Variants in PTPDC1 observed in about 807,000 individuals in gnomAD.
PTPDC1 encodes the protein protein tyrosine phosphatase domain containing 1, also known as protein tyrosine phosphatase domain-containing protein 1.
In PTPDC1, 53 loss-of-function variants were observed where a neutral mutation model predicts 75.3. The observed-to-expected ratio is 0.70, with a 90% CI of 0.56 to 0.88. PTPDC1 has a LOEUF of 0.88. Ranked by LOEUF, PTPDC1 falls within the 40% of genes least tolerant of loss-of-function variation. The probability of loss-of-function intolerance (pLI) is 0.00; values close to 1 mark genes in which losing one functional copy is unlikely to be tolerated. For missense variants in PTPDC1, 925 were observed against 998.6 expected (o/e 0.93, Z 0.99); for synonymous variants, 349 against 366.2 (o/e 0.95, Z 0.54).
rs371910219 is a variant in PTPDC1 at position 94,101,557 on chromosome 9, C to A, written c.2014-9C>A. 4 of 1,607,930 alleles carry A rather than the reference C, an allele frequency of 2.5e-6. No homozygotes were observed. The highest frequency in any genetic ancestry group is 2.2e-5 in the South Asian group (2 of 90,650). The stretch of plus-strand genomic sequence containing the variant: ...CTCTGTCTGTCTGTCTCTTTCTCTT[C>A]CTTTTTAGAAAGAGCTTAATTCCCG... On this transcript the variant is annotated splice_polypyrimidine_tract_variant and intron_variant, in intron 6 of 8. Transcript: ENST00000620992.
intron 2 of PTPDC1, among the ~76,000 whole-genome samples, chr9:94,071,262 A>C (rs1305887193): frequency 1.3e-5 from 2 of 152,172 alleles, no homozygotes; most frequent in Non-Finnish European, 2.9e-5. Context: ...TTAATGGCTA[A>C]TGATGATAAC....
Position 94,101,663 on chromosome 9 carries a change from T to C in PTPDC1, c.2111T>C (p.Leu704Pro). The change falls in exon 7 of 9, where the codon CTG becomes CCG. Residue 704 changes from leucine to proline, a missense_variant. Physicochemically the swap from Leu to Pro is moderately conservative, Grantham distance 98. Coordinates refer to ENST00000620992, the MANE Select transcript of PTPDC1 (RefSeq NM_001253829.2). ...TTGATGTGGTCTTGGGTGGAGCAACTGAAGGAGCCTGTAATCACCAAAGAG... is the reference window on the plus strand; with the variant it reads ...TTGATGTGGTCTTGGGTGGAGCAACCGAAGGAGCCTGTAATCACCAAAGAG... ...CSLMWSWVEQLKEPVITKEDV... is the reference protein window; with the variant it reads ...CSLMWSWVEQPKEPVITKEDV... The C allele has an allele frequency of 6.2e-7, 1 of 1,613,974 alleles. No individual in the cohort carries two copies. The highest frequency in any genetic ancestry group is 8.5e-7 in the Non-Finnish European group (1 of 1,179,898).
chr9:94,051,515 G>A (rs1181716145), intron 1 of PTPDC1, among the ~76,000 whole-genome samples: 1 of 152,170 alleles, frequency 6.6e-6, no homozygotes, highest in Non-Finnish European at 1.5e-5. Context: ...TACTTTCTGG[G>A]AGAGATTATA....
At position 94,097,594 on chromosome 9, in the gene PTPDC1, T is replaced by A; in HGVS notation, c.1028T>A (p.Ile343Asn). 6.2e-7 allele frequency: 1 copy of A among 1,613,994 alleles called. No individual in the cohort carries two copies. The highest frequency in any genetic ancestry group is 8.5e-7 in the Non-Finnish European group (1 of 1,180,028). ...ARLLKHVPKI[I>N]HLVCKLLLDL... ...CTTCTGAAACACGTGCCAAAAATTATCCACCTAGTTTGCAAATTGCTGCTG... is the reference window on the plus strand; with the variant it reads ...CTTCTGAAACACGTGCCAAAAATTAACCACCTAGTTTGCAAATTGCTGCTG... Residue 343 changes from isoleucine to asparagine, a missense_variant, in exon 6 of 9, where the codon ATC (isoleucine) becomes AAC (asparagine). Ile to Asn is a moderately radical substitution (Grantham distance 149). Coordinates refer to ENST00000620992, the MANE Select transcript of PTPDC1 (RefSeq NM_001253829.2).
intron 1 of PTPDC1, among the ~76,000 whole-genome samples, chr9:94,058,931 C>G (rs1458740555): frequency 2.0e-5 from 3 of 152,128 alleles, no homozygotes; most frequent in Admixed American, 6.5e-5. Context: ...GTAGAAGTTG[C>G]AGTGAGCCGA....
rs147254542 is a variant in PTPDC1, at chr9:94,066,041, C to T, written c.82+1220C>T. On this transcript the variant is annotated intron_variant, in intron 2 of 9. Coordinates refer to the PTPDC1 transcript ENST00000375360. Reference sequence around the variant, plus strand: ...CTCAATGGCAATTCTGTTGGCTTTGCGGGTGGGACAACTCTTTGTTGTGCT... The same window carrying T: ...CTCAATGGCAATTCTGTTGGCTTTGTGGGTGGGACAACTCTTTGTTGTGCT... Among the ~76,000 whole-genome samples, 4 of 152,248 alleles carry T rather than the reference C, an allele frequency of 2.6e-5. No individual in the cohort carries two copies. In the East Asian group the frequency reaches 7.7e-4, roughly 29 times the overall value.
At position 94,044,361 on chromosome 9, in the gene PTPDC1, G is replaced by A. The variant is rs79032721; in HGVS notation, c.-7+13234G>A. ...GCAGGATGTGCAGGTTTTTTACATA[G>A]GTAAATGTGTACCATGGTAGTTTGC... On this transcript the variant is annotated intron_variant, in intron 1 of 9. Coordinates refer to the PTPDC1 transcript ENST00000375360. Among the ~76,000 whole-genome samples, 134 of 152,092 alleles carry A rather than the reference G, an allele frequency of 8.8e-4. No individual in the cohort carries two copies. The East Asian group carries it at 0.021, about 24-fold the overall frequency.
chr9:94,075,028 C>G (rs987431259), intron 2 of PTPDC1, among the ~76,000 whole-genome samples: 1 of 152,156 alleles, frequency 6.6e-6, no homozygotes, highest in Non-Finnish European at 1.5e-5. Flanking sequence ...TTCAAACCAC[C>G]CTGTTAAGAC....
intron 2 of PTPDC1, among the ~76,000 whole-genome samples, chr9:94,070,579 A>C (rs1826479497): frequency 6.6e-6 from 1 of 152,188 alleles, no homozygotes; most frequent in African/African-American, 2.4e-5. Flanking sequence ...TAATAATATC[A>C]CAGCCAGGAT....
chr9:94,046,404 G>C (rs1486709590), intron 1 of PTPDC1, among the ~76,000 whole-genome samples: 1 of 152,110 alleles, frequency 6.6e-6, no homozygotes, highest in East Asian at 1.9e-4. Flanking sequence ...AGCTTGATGG[G>C]GATGGCATTG....
At chr9:94,079,156 A>G (rs537962382) in intron 2 of PTPDC1, among the ~76,000 whole-genome samples, 3 of 152,158 alleles carry the variant, frequency 2.0e-5, no homozygotes, top group East Asian at 1.9e-4. Context: ...TTGCCTGTCT[A>G]TTTGATCAGA....
chr9:94,101,507 C>T (rs1827840216), intron 6 of PTPDC1, 59 bp from the exon 7 acceptor site: 2 of 1,341,962 alleles, frequency 1.5e-6, no homozygotes, highest in Non-Finnish European at 2.1e-6. Context: ...AATGGTGCAC[C>T]TCCCTCTCCT....
intron 6 of PTPDC1, among the ~76,000 whole-genome samples, chr9:94,099,769 C>T (rs550182671): frequency 2.0e-4 from 31 of 152,224 alleles, no homozygotes; most frequent in Non-Finnish European, 3.4e-4. Context: ...ATGAAAATCT[C>T]GCACCCCCAC....
chr9:94,081,936 G>A (rs569046732), upstream of PTPDC1, among the ~76,000 whole-genome samples: 1 of 152,310 alleles, frequency 6.6e-6, no homozygotes, highest in African/African-American at 2.4e-5. Context: ...TTTTCAGTGG[G>A]AAGAACCAGA....
intron 2 of PTPDC1, among the ~76,000 whole-genome samples, chr9:94,072,337 A>G (rs2117909101): frequency 6.6e-6 from 1 of 152,150 alleles, no homozygotes; most frequent in African/African-American, 2.4e-5. Context: ...CAGTTTCCAC[A>G]TGTTTTTTGT....
intron 8 of PTPDC1, 38 bp from the exon 9 acceptor site, chr9:94,107,790 T>C: frequency 8.1e-7 from 1 of 1,233,300 alleles, no homozygotes; most frequent in Non-Finnish European, 1.1e-6. Flanking sequence ...TTCAAATTCT[T>C]GTTACAGTGT....
intron 4 of PTPDC1, among the ~76,000 whole-genome samples, chr9:94,093,784 T>G (rs1827423617): frequency 6.9e-6 from 1 of 145,766 alleles, no homozygotes. Context: ...TGCTCATTTC[T>G]TTTTATTCTT....
At chr9:94,104,011 T>A (rs1014700083) in intron 7 of PTPDC1, among the ~76,000 whole-genome samples, 1 of 152,230 alleles carries the variant, frequency 6.6e-6, no homozygotes, top group African/African-American at 2.4e-5. Flanking sequence ...AAACACTTGG[T>A]TTAAAAGTGC....
intron 2 of PTPDC1, among the ~76,000 whole-genome samples, chr9:94,066,890 CTT>C (rs1412420709): frequency 1.3e-5 from 2 of 152,070 alleles, no homozygotes; most frequent in East Asian, 1.9e-4. Context: ...AATAAAAAAA[CTT>C]TTATTACAGA....
Sources: gnomAD v4.1 joint callset for allele counts (sites outside exome capture counted in the v4.1 genomes callset) on GRCh38, gnomAD v4.1.1 for gene constraint, MANE v1.5 for transcripts, NCBI Gene and HGNC (gene_info 2026-07-23, HGNC 2026-07-21) for gene names.